The following ABCG2 variants were observed in gnomAD, a reference collection of about 807,000 sequenced individuals.
ABCG2 encodes the protein broad substrate specificity ATP-binding cassette transporter ABCG2.
Under a neutral mutation model 73.5 loss-of-function variants are expected in ABCG2, and 80 were observed. The observed-to-expected ratio is 1.09, with a 90% CI of 0.91 to 1.31. ABCG2 has a LOEUF of 1.31. Ranked by LOEUF, ABCG2 falls within the 50% of genes most tolerant of loss-of-function variation. The pLI, the probability that ABCG2 is intolerant of heterozygous loss-of-function variation, is 0.00. For missense variants in ABCG2, 796 were observed against 786.2 expected, an observed-to-expected ratio of 1.01 and a Z score of -0.15; for synonymous variants, 269 against 282.4, an observed-to-expected ratio of 0.95 and a Z score of 0.48.
At chr4:88,095,472 G>T in intron 14 of ABCG2, 48 bp downstream of exon 14, 1 of 1,515,860 alleles carries the variant, frequency 6.6e-7, no homozygotes, top group Non-Finnish European at 9.2e-7. Context: ...GATTTCCATT[G>T]TTCCTAGCTT....
intron 1 of ABCG2, among the ~76,000 whole-genome samples, chr4:88,144,605 G>A (rs1410135564): frequency 2.0e-5 from 3 of 151,796 alleles, no homozygotes; most frequent in Non-Finnish European, 4.4e-5. Flanking sequence ...ACAGGCCGAT[G>A]CCACAACGCC....
At chr4:88,153,253 T>C (rs13109944) in intron 1 of ABCG2, among the ~76,000 whole-genome samples, 78,555 of 151,642 alleles carry the variant, frequency 0.52, 20,978 homozygotes, top group African/African-American at 0.64. Context: ...TAGTTGAGAA[T>C]GGTGAATAGG....
At chr4:88,106,440 C>T (rs754440071) in intron 10 of ABCG2, among the ~76,000 whole-genome samples, 14 of 152,096 alleles carry the variant, frequency 9.2e-5, no homozygotes, top group Admixed American at 2.0e-4. Flanking sequence ...AACCTTACAA[C>T]GGAAAGAAAT....
chr4:88,114,908 C>T, intron 8 of ABCG2, 49 bp downstream of exon 8: 1 of 1,318,982 alleles, frequency 7.6e-7, no homozygotes, highest in Non-Finnish European at 1.1e-6. Context: ...TGCTAAACTT[C>T]AGCCAATTCA....
chr4:88,150,206 A>G (rs1726359131), intron 1 of ABCG2, among the ~76,000 whole-genome samples: 1 of 152,116 alleles, frequency 6.6e-6, no homozygotes, highest in Admixed American at 6.6e-5. Flanking sequence ...AATTCCTGCT[A>G]CTTGGGAGAC....
chr4:88,138,099 T>C (rs1283950564), intron 2 of ABCG2, among the ~76,000 whole-genome samples: 1 of 152,114 alleles, frequency 6.6e-6, no homozygotes, highest in Non-Finnish European at 1.5e-5. Context: ...TGAGCTATGA[T>C]TGCAGCACCA....
intron 5 of ABCG2, among the ~76,000 whole-genome samples, chr4:88,125,242 A>G (rs1277734042): frequency 6.6e-6 from 1 of 151,816 alleles, no homozygotes; most frequent in Non-Finnish European, 1.5e-5. Context: ...CAGTGAGCCA[A>G]GATCGCGCCA....
chr4:88,141,390 G>T (rs1243917572), intron 1 of ABCG2, among the ~76,000 whole-genome samples: 1 of 152,170 alleles, frequency 6.6e-6, no homozygotes, highest in African/African-American at 2.4e-5. Flanking sequence ...CAAGCAGGAA[G>T]AAGCTGCTAG....
At chr4:88,097,651 C>G in intron 12 of ABCG2, 44 bp from the exon 13 acceptor site, 1 of 1,596,264 alleles carries the variant, frequency 6.3e-7, no homozygotes. Context: ...CTGCCTAGGT[C>G]ACCGTATGTT....
chr4:88,217,133 T>C (rs1729843952), intron 1 of ABCG2, among the ~76,000 whole-genome samples: 1 of 152,174 alleles, frequency 6.6e-6, no homozygotes, highest in Non-Finnish European at 1.5e-5. Flanking sequence ...GTTGCCTTAG[T>C]ATTCCATATA....
chr4:88,111,066 A>C (rs1723101123), intron 9 of ABCG2, among the ~76,000 whole-genome samples: 2 of 152,258 alleles, frequency 1.3e-5, no homozygotes, highest in Non-Finnish European at 1.5e-5. Context: ...CCAGTATCAA[A>C]ACATGCAGAA....
intron 1 of ABCG2, among the ~76,000 whole-genome samples, chr4:88,205,576 C>A (rs1336120029): frequency 1.3e-5 from 2 of 152,178 alleles, no homozygotes; most frequent in African/African-American, 4.8e-5. Context: ...CATGTGGTCA[C>A]CAGTCCCATC....
intron 1 of ABCG2, among the ~76,000 whole-genome samples, chr4:88,222,992 TG>T (rs1318967923): frequency 6.6e-6 from 1 of 152,246 alleles, no homozygotes. Context: ...TAAGGTTTAA[TG>T]ACTGCCCAGT....
intron 1 of ABCG2, among the ~76,000 whole-genome samples, chr4:88,195,179 A>G (rs916813647): frequency 5.3e-5 from 8 of 152,278 alleles, no homozygotes; most frequent in African/African-American, 1.9e-4. Context: ...GGCTGCAGTG[A>G]GCTGTGATGG....
chr4:88,190,155 T>A (rs1432310402), intron 1 of ABCG2, among the ~76,000 whole-genome samples: 1 of 152,200 alleles, frequency 6.6e-6, no homozygotes, highest in Non-Finnish European at 1.5e-5. Context: ...GTTTCTTTTT[T>A]CTTTTTAAAA....
chr4:88,207,271 T>G (rs1729415972), intron 1 of ABCG2, among the ~76,000 whole-genome samples: 1 of 152,172 alleles, frequency 6.6e-6, no homozygotes, highest in African/African-American at 2.4e-5. Flanking sequence ...TACCAGCTAT[T>G]ACATGAGTTC....
At chr4:88,135,810 T>C (rs558682830) in intron 2 of ABCG2, among the ~76,000 whole-genome samples, 1 of 152,298 alleles carries the variant, frequency 6.6e-6, no homozygotes, top group South Asian at 2.1e-4. Flanking sequence ...TTTTCACCTT[T>C]TAAAAAACGT....
chr4:88,191,861 A>C lies in ABCG2; in HGVS notation c.-20+39133T>G, dbSNP rs753198254. Among the ~76,000 whole-genome samples, 87 of 152,344 alleles carry C rather than the reference A, an allele frequency of 5.7e-4. 1 individual carries two copies. Among genetic ancestry groups the C allele is most frequent in the Admixed American group, 9.8e-4 (15 of 15,296 alleles). ...AGTATAATAAAAGTACAAAGCAATT[A>C]TAGGATTCCATTTAATGAAACACGC... is the stretch of plus-strand genomic sequence containing the variant. On this transcript the variant is annotated intron_variant, in intron 1 of 15. Transcript: ENST00000515655.
chr4:88,125,291 CA>C (rs1054771193), intron 5 of ABCG2, among the ~76,000 whole-genome samples: 50 of 120,762 alleles, frequency 4.1e-4, no homozygotes, highest in East Asian at 5.0e-4. Context: ...GACTCTGTCT[CA>C]AAAAAAAAAA....
Sources: gnomAD v4.1 joint callset for allele counts (sites outside exome capture counted in the v4.1 genomes callset) on GRCh38, gnomAD v4.1.1 for gene constraint, MANE v1.5 for transcripts, NCBI Gene and HGNC (gene_info 2026-07-23, HGNC 2026-07-21) for gene names.